ZNF148: variants seen among roughly 807,000 people sequenced by gnomAD.
ZNF148 encodes the protein zinc finger protein 148, also known as Beta-Enolase Repressor Factor-1.
In ZNF148, 7 loss-of-function variants were observed where a neutral mutation model predicts 67.7. That is an observed-to-expected ratio of 0.10 (90% CI 0.06 to 0.19). The LOEUF is 0.19. Among genes scored for constraint, ZNF148 ranks in the 10% least tolerant of loss-of-function variants. The pLI, the probability that ZNF148 is intolerant of heterozygous loss-of-function variation, is 1.00. For missense variants in ZNF148, 583 were observed against 947.1 expected (o/e 0.62, Z 5.05); for synonymous variants, 333 against 330.7 (o/e 1.01, Z -0.08).
chr3:125,283,596 T>G (rs907491179), intron 5 of ZNF148, among the ~76,000 whole-genome samples: 1 of 152,138 alleles, frequency 6.6e-6, no homozygotes, highest in Non-Finnish European at 1.5e-5. Context: ...TCTATTATTT[T>G]GCCAATCTTC....
At chr3:125,240,411 T>C (rs548608229) in intron 7 of ZNF148, among the ~76,000 whole-genome samples, 3 of 152,250 alleles carry the variant, frequency 2.0e-5, no homozygotes. Flanking sequence ...TACATTCTAA[T>C]AGATGAACCA....
At chr3:125,288,465 GA>G (rs1260699453) in intron 4 of ZNF148, among the ~76,000 whole-genome samples, 1 of 151,276 alleles carries the variant, frequency 6.6e-6, no homozygotes, top group Non-Finnish European at 1.5e-5. Flanking sequence ...ATCTACCTGA[GA>G]AAAAAGATCA....
Position 125,288,239 on chromosome 3 carries a change from A to T in ZNF148, c.334-11T>A, listed in dbSNP as rs1938811337. On this transcript the variant is annotated splice_polypyrimidine_tract_variant and intron_variant, in intron 4 of 8. Transcript: ENST00000360647. ...CTGCTTTACGCTTATCTGTTTAAAA[A>T]AAGAAAAGCCAATTTTAGACATAAA... 1.9e-6 allele frequency: 3 copies of T among 1,596,476 alleles called. No individual in the cohort carries two copies.
chr3:125,367,935 G>A (rs1372693275), intron 1 of ZNF148, among the ~76,000 whole-genome samples: 1 of 152,210 alleles, frequency 6.6e-6, no homozygotes, highest in Non-Finnish European at 1.5e-5. Context: ...AAACCAGTAG[G>A]AGTAGCTAAA....
intron 1 of ZNF148, among the ~76,000 whole-genome samples, chr3:125,366,384 T>C (rs1942703294): frequency 2.6e-5 from 4 of 152,234 alleles, no homozygotes; most frequent in Admixed American, 2.6e-4. Flanking sequence ...CCATCCATTT[T>C]CAACCCAACC....
chr3:125,257,217 T>C (rs1391455305), intron 7 of ZNF148, among the ~76,000 whole-genome samples: 1 of 152,122 alleles, frequency 6.6e-6, no homozygotes, highest in Admixed American at 6.5e-5. Context: ...AGAAACACTG[T>C]ATATGAAAAA....
chr3:125,271,487 T>A (rs1937732200), intron 7 of ZNF148, among the ~76,000 whole-genome samples: 1 of 152,246 alleles, frequency 6.6e-6, no homozygotes, highest in Admixed American at 6.5e-5. Context: ...AACCAAAAGT[T>A]GATGTCACTT....
At chr3:125,296,870 GTAGA>G (rs1939310276) in intron 4 of ZNF148, among the ~76,000 whole-genome samples, 2 of 151,836 alleles carry the variant, frequency 1.3e-5, no homozygotes, top group Non-Finnish European at 2.9e-5. Context: ...AAATAGGCAT[GTAGA>G]TAAATACATT....
chr3:125,315,666 G>A (rs1272823167), intron 3 of ZNF148, among the ~76,000 whole-genome samples: 1 of 142,376 alleles, frequency 7.0e-6, no homozygotes, highest in East Asian at 2.1e-4. Flanking sequence ...CCGAGATCGA[G>A]CCACTGCACT....
rs1360965758 is a variant in ZNF148, at chr3:125,233,153, C to T, written c.1573G>A (p.Val525Met). ...TTGTCATGATTACTCTTAATCTCCA[C>T]ATTCAGTGCCTGTGACTCTAATATG... is the stretch of plus-strand genomic sequence containing the variant. The part of the protein sequence containing the change: ...ASILESQALN[V>M]EIKSNHDKNV... Residue 525 changes from valine to methionine, a missense_variant, in exon 9 of 9, where the codon GTG becomes ATG. Physicochemically the swap from Val to Met is conservative, Grantham distance 21 (BLOSUM62 1). Coordinates refer to ENST00000360647, the MANE Select transcript of ZNF148 (RefSeq NM_021964.3). This position sits in a 1 kb window ranked among gnomAD's most constrained non-coding sequence, Gnocchi z 5.1. 6.2e-7 allele frequency: 1 copy of T among 1,613,844 alleles called. No individual in the cohort carries two copies. Among genetic ancestry groups the T allele is most frequent in the Non-Finnish European group, 8.5e-7 (1 of 1,179,874 alleles).
At chr3:125,347,180 G>A (rs1941975853) in intron 1 of ZNF148, among the ~76,000 whole-genome samples, 3 of 152,132 alleles carry the variant, frequency 2.0e-5, no homozygotes, top group Admixed American at 2.0e-4. Flanking sequence ...AAACATCCCT[G>A]AAAGAAATTA....
At chr3:125,258,422 C>CAAA (rs34739205) in intron 7 of ZNF148, among the ~76,000 whole-genome samples, 27,838 of 56,040 alleles carry the variant, frequency 0.5, 7,362 homozygotes, top group Non-Finnish European at 0.52. Context: ...GACTCCATCT[C>CAAA]AAAAAAAAAA....
rs1180418572 is a variant in ZNF148, at chr3:125,230,631, T to G, written c.*1710A>C. ...TATGAGAACAGTCTTGGGATAACAT[T>G]AAATAAAAGAAAAAATAATTTAAAT... On this transcript the variant is annotated 3_prime_UTR_variant, in exon 9 of 9. Transcript: ENST00000360647. The G allele has an allele frequency of 6.6e-6, 1 of 152,422 alleles. No individual in the cohort carries two copies. Among genetic ancestry groups the G allele is most frequent in the Non-Finnish European group, 1.5e-5 (1 of 67,956 alleles). The allele number at this position is 152,422 out of a possible 1,614,324, so 9.4% of individuals were successfully genotyped here.
At position 125,313,500 on chromosome 3, in the gene ZNF148, A is replaced by C; in HGVS notation, c.141T>G (p.Leu47=). The change falls in exon 4 of 9, where the codon CTT becomes CTG. Residue 47 remains leucine (L), a synonymous_variant. Coordinates refer to ENST00000360647, the MANE Select transcript of ZNF148 (RefSeq NM_021964.3). ...CCTGGTGAGGCATACTTCGATCTTG[A>C]AGTACTGAATCCTGTAGCTCTCCAG... ...TVSGELQDSV[L]QDRSMPHQEI... is the part of the protein sequence containing the mutation. The C allele has an allele frequency of 6.2e-7, 1 of 1,614,132 alleles. No homozygotes were observed. Among genetic ancestry groups the C allele is most frequent in the Non-Finnish European group, 8.5e-7 (1 of 1,180,008 alleles).
chr3:125,289,278 G>A (rs1938876321), intron 4 of ZNF148, among the ~76,000 whole-genome samples: 1 of 152,176 alleles, frequency 6.6e-6, no homozygotes, highest in African/African-American at 2.4e-5. Context: ...GTGGAAAACA[G>A]CTATGTAGAA....
chr3:125,301,955 T>C (rs1939610248), intron 4 of ZNF148, among the ~76,000 whole-genome samples: 1 of 151,980 alleles, frequency 6.6e-6, no homozygotes, highest in South Asian at 2.1e-4. Flanking sequence ...TCCCAGTTAC[T>C]TGGGAGGCTG....
At chr3:125,317,660 T>TAGAGAG (rs66600598) in intron 3 of ZNF148, among the ~76,000 whole-genome samples, 2,308 of 62,112 alleles carry the variant, frequency 0.037, 36 homozygotes, top group African/African-American at 0.048. Flanking sequence ...TATATATATA[T>TAGAGAG]ATAGAGAGAG....
intron 1 of ZNF148, among the ~76,000 whole-genome samples, chr3:125,342,831 T>TGGAGAACAACATCTCAAAAGGTGAAA (rs1238449818): frequency 6.6e-6 from 1 of 152,156 alleles, no homozygotes; most frequent in African/African-American, 2.4e-5. Flanking sequence ...TATTTAAAAT[T>TGGAGAACAACATCTCAAAAGGTGAAA]GGAGAAGGTG....
At chr3:125,339,241 A>G (rs965335647) in intron 1 of ZNF148, among the ~76,000 whole-genome samples, 3 of 152,202 alleles carry the variant, frequency 2.0e-5, no homozygotes, top group African/African-American at 7.2e-5. Flanking sequence ...TTTATTCTCC[A>G]TTGGAAAACT....
Sources: allele counts gnomAD v4.1 joint callset (sites outside exome capture counted in the v4.1 genomes callset), GRCh38; gene constraint gnomAD v4.1.1; non-coding constraint Gnocchi (gnomAD v3.1); transcripts MANE v1.5; gene names NCBI Gene and HGNC (gene_info 2026-07-23, HGNC 2026-07-21).